The following LRRC4C variants were observed in gnomAD, a reference collection of about 807,000 sequenced individuals.
LRRC4C encodes leucine rich repeat containing 4C.
Under a neutral mutation model 33.6 loss-of-function variants are expected in LRRC4C, and 5 were observed. That is an observed-to-expected ratio of 0.15 (90% confidence interval 0.08 to 0.31). The LOEUF (loss-of-function observed/expected upper bound fraction) is 0.31. Among genes scored for constraint, LRRC4C ranks in the 10% least tolerant of loss-of-function variants. The pLI is 1.00. For synonymous variants in LRRC4C, 329 were observed against 302.0 expected (o/e 1.09, Z -0.93); for missense variants, 560 against 796.7 (o/e 0.70, Z 3.58).
At chr11:41,408,755 A>AAAAAAAAAAAAAAACAAAC (rs1191106845) in intron 1 of LRRC4C, among the ~76,000 whole-genome samples, 8 of 148,098 alleles carry the variant, frequency 5.4e-5, no homozygotes, top group African/African-American at 2.1e-4. Context: ...TGTAAAAAAA[A>AAAAAAAAAAAAAAACAAAC]AAAAAAAAAA....
chr11:40,855,389 G>A (rs982572351), intron 2 of LRRC4C, among the ~76,000 whole-genome samples: 2 of 152,032 alleles, frequency 1.3e-5, no homozygotes, highest in African/African-American at 4.8e-5. Flanking sequence ...TAACCGAAAG[G>A]GCATAGTGAA....
At chr11:40,931,027 T>C (rs1196421653) in intron 2 of LRRC4C, among the ~76,000 whole-genome samples, 2 of 152,126 alleles carry the variant, frequency 1.3e-5, no homozygotes, top group Admixed American at 6.6e-5. Context: ...CTTTAATCTG[T>C]GGGTTTTAGT....
intron 1 of LRRC4C, among the ~76,000 whole-genome samples, chr11:41,440,754 C>G (rs181404851): frequency 6.6e-6 from 1 of 152,078 alleles, no homozygotes; most frequent in Non-Finnish European, 1.5e-5. Flanking sequence ...TGAGTTCTCA[C>G]GAGATCTGGT....
At chr11:40,452,874 C>G (rs1347839733) in intron 3 of LRRC4C, among the ~76,000 whole-genome samples, 1 of 152,096 alleles carries the variant, frequency 6.6e-6, no homozygotes, top group African/African-American at 2.4e-5. Flanking sequence ...AGTTCATGTC[C>G]TTTGTAGGGA....
intron 5 of LRRC4C, among the ~76,000 whole-genome samples, chr11:40,219,024 T>C (rs1352363720): frequency 6.6e-6 from 1 of 152,224 alleles, no homozygotes; most frequent in Non-Finnish European, 1.5e-5. Flanking sequence ...ATGCATTTTT[T>C]GACCACTCTA....
chr11:41,337,202 G>A (rs990970466), intron 1 of LRRC4C, among the ~76,000 whole-genome samples: 1 of 151,950 alleles, frequency 6.6e-6, no homozygotes, highest in South Asian at 2.1e-4. Context: ...GTGCTACCAT[G>A]CCCAGCGAAC....
intron 5 of LRRC4C, among the ~76,000 whole-genome samples, chr11:40,238,778 C>A (rs1358104739): frequency 6.6e-6 from 1 of 152,078 alleles, no homozygotes. Flanking sequence ...TCTCCCCTAT[C>A]TTATTCATAT....
chr11:40,256,031 A>G (rs1357090786), intron 4 of LRRC4C, among the ~76,000 whole-genome samples: 2 of 152,180 alleles, frequency 1.3e-5, no homozygotes, highest in African/African-American at 4.8e-5. Context: ...GTTTCCTATT[A>G]TGACCATCAG....
At chr11:40,231,325 CT>C (rs946881593) in intron 5 of LRRC4C, among the ~76,000 whole-genome samples, 1 of 152,182 alleles carries the variant, frequency 6.6e-6, no homozygotes, top group African/African-American at 2.4e-5. Flanking sequence ...TCAAAATTGG[CT>C]GTAAGATGAT....
chr11:40,830,024 T>C (rs956831216), intron 2 of LRRC4C, among the ~76,000 whole-genome samples: 11 of 152,076 alleles, frequency 7.2e-5, no homozygotes, highest in Non-Finnish European at 1.3e-4. Flanking sequence ...AGCAGGGTCT[T>C]GAGGGATGAA....
chr11:41,293,705 C>T lies in LRRC4C; in HGVS notation c.-496+165726G>A, dbSNP rs570289478. 6.0e-4 allele frequency among the ~76,000 whole-genome samples: 92 copies of T among 152,162 alleles called. 1 individual carries two copies. The highest frequency in any genetic ancestry group is 2.2e-3 in the African/African-American group (90 of 41,498). On this transcript the variant is annotated intron_variant, in intron 1 of 6. Transcript: ENST00000528697. ...CTCTGCCTCCTGGGTTCAAGTGATT[C>T]TCCTGCCTCAGCCTCCCGAGTAGCT...
chr11:41,389,661 A>G (rs1433374639), intron 1 of LRRC4C, among the ~76,000 whole-genome samples: 2 of 145,644 alleles, frequency 1.4e-5, no homozygotes, highest in Non-Finnish European at 3.0e-5. Flanking sequence ...AAATCACAAA[A>G]GAAAATTCTT....
intron 3 of LRRC4C, among the ~76,000 whole-genome samples, chr11:40,526,371 G>A (rs1335408786): frequency 1.3e-5 from 2 of 152,000 alleles, no homozygotes; most frequent in Non-Finnish European, 2.9e-5. Context: ...AAAAAACCCT[G>A]AAATTCATAT....
intron 2 of LRRC4C, among the ~76,000 whole-genome samples, chr11:40,703,330 G>A (rs72896645): frequency 0.011 from 1,695 of 152,250 alleles, 22 homozygotes; most frequent in Non-Finnish European, 0.018. Flanking sequence ...TCAAGTAGCC[G>A]TGAAATTTTT....
intron 3 of LRRC4C, among the ~76,000 whole-genome samples, chr11:40,584,750 G>T (rs535703261): frequency 1.3e-5 from 2 of 151,924 alleles, no homozygotes; most frequent in African/African-American, 4.8e-5. Context: ...TGGCCAATAT[G>T]GTAAAACCCC....
At chr11:40,567,991 C>A in intron 3 of LRRC4C, among the ~76,000 whole-genome samples, 1 of 152,130 alleles carries the variant, frequency 6.6e-6, no homozygotes, top group East Asian at 1.9e-4. Flanking sequence ...TCAGAATAAC[C>A]CATTTCTTCA....
At chr11:41,094,296 C>T (rs560724720) in intron 1 of LRRC4C, among the ~76,000 whole-genome samples, 7 of 151,928 alleles carry the variant, frequency 4.6e-5, no homozygotes, top group South Asian at 2.1e-4. Context: ...CTGGCCAAGA[C>T]GGGCGGATCA....
intron 2 of LRRC4C, among the ~76,000 whole-genome samples, chr11:40,665,118 A>G (rs1943653948): frequency 6.6e-6 from 1 of 151,544 alleles, no homozygotes; most frequent in Non-Finnish European, 1.5e-5. Flanking sequence ...ACCTCATTTA[A>G]CAACAGATCT....
At chr11:40,905,259 G>A (rs1394477488) in intron 2 of LRRC4C, among the ~76,000 whole-genome samples, 1 of 152,026 alleles carries the variant, frequency 6.6e-6, no homozygotes, top group Non-Finnish European at 1.5e-5. Flanking sequence ...TTCTTAAAAA[G>A]CTCTTCTAGA....
Sources: gnomAD v4.1 joint callset for allele counts (sites outside exome capture counted in the v4.1 genomes callset) on GRCh38, gnomAD v4.1.1 for gene constraint, MANE v1.5 for transcripts, NCBI Gene and HGNC (gene_info 2026-07-23, HGNC 2026-07-21) for gene names.